Variants in CHST7 observed in about 807,000 individuals in gnomAD.
The protein encoded by CHST7 is carbohydrate sulfotransferase 7.
Under a neutral mutation model 9.0 loss-of-function variants are expected in CHST7, and 5 were observed. The ratio of observed to expected loss-of-function variants is 0.56; its 90% CI spans 0.29 to 1.17. The LOEUF (loss-of-function observed/expected upper bound fraction) is 1.17. CHST7 is among the 50% of genes most tolerant of loss of function. The pLI, the probability that CHST7 is intolerant of heterozygous loss-of-function variation, is 0.08. For synonymous variants in CHST7, 244 were observed against 237.1 expected (o/e 1.03, Z -0.27); for missense variants, 377 against 485.1 (o/e 0.78, Z 2.09).
intron 1 of CHST7, among the ~76,000 whole-genome samples, chrX:46,593,108 T>C (rs943041572): frequency 9.0e-6 from 1 of 111,135 alleles, no homozygotes; most frequent in Non-Finnish European, 1.9e-5. Flanking sequence ...GATAGGTTCA[T>C]GTTGTGAATG....
In CHST7 at chrX:46,574,088, G is replaced by A. The variant is rs1221176611; in HGVS notation, c.157G>A (p.Gly53Arg). 3.4e-6 allele frequency: 4 copies of A among 1,169,237 alleles called. No homozygotes were observed. Among genetic ancestry groups the A allele is most frequent in the Non-Finnish European group, 4.6e-6 (4 of 875,613 alleles). ...EHCPGLQRSL[G>R]VWSLEAAAAG... ...CTGCCCCGGCCTGCAGCGCAGCCTG[G>A]GAGTGTGGAGCCTGGAGGCGGCGGC... is the stretch of plus-strand genomic sequence containing the variant. Residue 53 changes from glycine to arginine, a missense_variant, in exon 1 of 2, where the codon GGA becomes AGA. Gly to Arg is a moderately radical substitution (Grantham distance 125, BLOSUM62 -2). Transcript: ENST00000276055.
chrX:46,579,862 C>T (rs1942516513), intron 1 of CHST7, among the ~76,000 whole-genome samples: 1 of 109,792 alleles, frequency 9.1e-6, no homozygotes, highest in Admixed American at 9.8e-5. Flanking sequence ...GGTAGTGGCG[C>T]GCATCTGTAG....
chrX:46,589,867 C>T (rs192490770), intron 1 of CHST7, among the ~76,000 whole-genome samples: 2 of 111,189 alleles, frequency 1.8e-5, no homozygotes, highest in African/African-American at 6.5e-5. Flanking sequence ...TGTGAGGTTG[C>T]CCTGCCTGAA....
At chrX:46,582,903 C>T (rs1942531880) in intron 1 of CHST7, among the ~76,000 whole-genome samples, 2 of 109,411 alleles carry the variant, frequency 1.8e-5, no homozygotes, top group South Asian at 3.9e-4. Flanking sequence ...GGCAGAAGTG[C>T]CCATTTGCAG....
At chrX:46,583,483 C>T (rs1306686549) in intron 1 of CHST7, among the ~76,000 whole-genome samples, 4 of 112,164 alleles carry the variant, frequency 3.6e-5, no homozygotes, top group South Asian at 7.3e-4. Flanking sequence ...ACCCTGGCAC[C>T]AAGCCAGTGG....
At chrX:46,589,547 C>T (rs1942564548) in intron 1 of CHST7, among the ~76,000 whole-genome samples, 1 of 102,049 alleles carries the variant, frequency 9.8e-6, no homozygotes, top group African/African-American at 3.6e-5. Context: ...GAGACTCTGT[C>T]TCAAAAAAAA....
rs1942599992 is a variant in CHST7, at chrX:46,597,439, C to T, written c.*32-321C>T. On this transcript the variant is annotated intron_variant, in intron 1 of 1. Coordinates refer to ENST00000276055, the MANE Select transcript of CHST7 (RefSeq NM_019886.4). The stretch of plus-strand genomic sequence containing the variant: ...AAAGGTACGGTTTCAATCCCAGTTC[C>T]TCCTACACACTACCCAGAAGGTCCC... Among the ~76,000 whole-genome samples the T allele has an allele frequency of 2.7e-5, 3 of 111,453 alleles. No individual in the cohort carries two copies. In the South Asian group the frequency reaches 1.1e-3, roughly 42 times the overall value.
chrX:46,583,284 G>A (rs1942534030), intron 1 of CHST7, among the ~76,000 whole-genome samples: 1 of 112,181 alleles, frequency 8.9e-6, no homozygotes, highest in South Asian at 3.7e-4. Flanking sequence ...TTTCTGCTGA[G>A]GTGCAGTATA....
chrX:46,574,069 C>G lies in CHST7; in HGVS notation c.138C>G (p.Pro46=). The G allele has an allele frequency of 8.6e-7, 1 of 1,166,859 alleles. No individual in the cohort carries two copies. The highest frequency in any genetic ancestry group is 1.1e-6 in the Non-Finnish European group (1 of 876,060). Residue 46 remains proline (P), a synonymous_variant, in exon 1 of 2, where the codon CCC becomes CCG. Transcript: ENST00000276055. The part of the protein sequence containing the change: ...RDGDKGAEHC[P]GLQRSLGVWS... ...GGGACAAGGGCGCCGAGCACTGCCC[C>G]GGCCTGCAGCGCAGCCTGGGAGTGT...
Position 46,574,444 on chromosome X carries a change from C to T in CHST7, c.513C>T (p.Tyr171=). 1 of 1,207,592 alleles carries T rather than the reference C, an allele frequency of 8.3e-7. No homozygotes were observed. The highest frequency in any genetic ancestry group is 1.1e-6 in the Non-Finnish European group (1 of 894,007). ...FRCDFSVLRL[Y]APPGDPAARA... is the part of the protein sequence containing the mutation. Reference sequence around the variant, plus strand: ...GCGACTTCTCCGTGCTGCGGCTGTACGCGCCGCCGGGGGACCCCGCTGCGC... The same window carrying T: ...GCGACTTCTCCGTGCTGCGGCTGTATGCGCCGCCGGGGGACCCCGCTGCGC... Residue 171 remains tyrosine (Y), a synonymous_variant, in exon 1 of 2, where the codon TAC becomes TAT. Transcript: ENST00000276055.
chrX:46,591,169 G>A (rs967571464), intron 1 of CHST7, among the ~76,000 whole-genome samples: 10 of 111,874 alleles, frequency 8.9e-5, no homozygotes, highest in African/African-American at 3.2e-4. Context: ...GGGTTTTTGT[G>A]TGGACATAAG....
At position 46,574,513 on chromosome X, in the gene CHST7, C is replaced by T. The variant is rs1305821606; in HGVS notation, c.582C>T (p.Arg194=). The change falls in exon 1 of 2, where the codon CGC becomes CGT. Residue 194 remains arginine (R), a synonymous_variant. Coordinates refer to ENST00000276055, the MANE Select transcript of CHST7 (RefSeq NM_019886.4). Reference sequence around the variant, plus strand: ...ATCTTACCACGGCCGCCCTCTTCCGCTGGCGGACTAACAAGGTCATCTGCT... The same window carrying T: ...ATCTTACCACGGCCGCCCTCTTCCGTTGGCGGACTAACAAGGTCATCTGCT... ...TANLTTAALF[R]WRTNKVICSP... is the part of the protein sequence containing the mutation. 1 of 1,207,432 alleles carries T rather than the reference C, an allele frequency of 8.3e-7. No homozygotes were observed. The highest frequency in any genetic ancestry group is 2.2e-5 in the Admixed American group (1 of 45,852).
chrX:46,576,325 G>T (rs1158541810), intron 1 of CHST7, among the ~76,000 whole-genome samples: 1 of 111,256 alleles, frequency 9.0e-6, no homozygotes, highest in Admixed American at 9.6e-5. Flanking sequence ...CCTCAGGGTT[G>T]GGTGTCCCCC....
At chrX:46,596,392 C>T (rs1290702159) in intron 1 of CHST7, among the ~76,000 whole-genome samples, 4 of 110,556 alleles carry the variant, frequency 3.6e-5, no homozygotes, top group Non-Finnish European at 7.6e-5. Context: ...CCTACTCATT[C>T]CCTCTGAAAC....
chrX:46,576,191 C>T (rs1178359078), intron 1 of CHST7, among the ~76,000 whole-genome samples: 3 of 105,133 alleles, frequency 2.9e-5, no homozygotes, highest in African/African-American at 1.1e-4. Context: ...TCTTCCTCCC[C>T]CTTCCCCTCC....
At chrX:46,582,373 C>T (rs1460258163) in intron 1 of CHST7, among the ~76,000 whole-genome samples, 3 of 112,026 alleles carry the variant, frequency 2.7e-5, no homozygotes. Flanking sequence ...CATTCACTAC[C>T]ACCAGCAATT....
rs1942609238 is a variant in CHST7 at position 46,598,394 on chromosome X, A to ATGTT, written c.*667_*670dup. ...CATACTATTAAATGACTCTGGAGTC[A>ATGTT]TGTTAATGACAGGATTTGTTTTGTT... On this transcript the variant is annotated 3_prime_UTR_variant, in exon 2 of 2. Coordinates refer to ENST00000276055, the MANE Select transcript of CHST7 (RefSeq NM_019886.4). The ATGTT allele has an allele frequency of 8.9e-6, 1 of 112,703 alleles. No homozygotes were observed. Among genetic ancestry groups the ATGTT allele is most frequent in the African/African-American group, 3.2e-5 (1 of 31,081 alleles). 9.3% of individuals were successfully genotyped at this position (112,703 alleles called of 1,213,427 possible).
chrX:46,594,643 T>C (rs964573534), intron 1 of CHST7, among the ~76,000 whole-genome samples: 12 of 112,058 alleles, frequency 1.1e-4, no homozygotes, highest in Admixed American at 4.7e-4. Flanking sequence ...GGCATTCATA[T>C]TGTTGTTCCC....
chrX:46,581,235 CAAA>C (rs1165772615), intron 1 of CHST7, among the ~76,000 whole-genome samples: 1 of 66,954 alleles, frequency 1.5e-5, no homozygotes, highest in African/African-American at 5.0e-5. Context: ...ACTCTGTCTC[CAAA>C]AAAAAAAAAA....
Sources: allele counts gnomAD v4.1 joint callset (sites outside exome capture counted in the v4.1 genomes callset), GRCh38; gene constraint gnomAD v4.1.1; transcripts MANE v1.5; gene names NCBI Gene and HGNC (gene_info 2026-07-23, HGNC 2026-07-21).